DRC1: variants seen among roughly 807,000 people sequenced by gnomAD.
DRC1 encodes the protein dynein regulatory complex subunit 1.
DRC1 carries 74 observed loss-of-function variants against 98.7 expected under a neutral mutation model. The observed-to-expected ratio is 0.75, with a 90% CI of 0.62 to 0.91. DRC1 has a LOEUF of 0.91. Ranked by LOEUF, DRC1 falls within the 40% of genes least tolerant of loss-of-function variation. DRC1 has a pLI of 0.00. For missense variants in DRC1, 875 were observed against 886.0 expected, an observed-to-expected ratio of 0.99 and a Z score of 0.16; for synonymous variants, 336 against 334.1, an observed-to-expected ratio of 1.01 and a Z score of -0.06.
At chr2:26,421,835 C>T (rs1572361674) in intron 3 of DRC1, among the ~76,000 whole-genome samples, 1 of 152,186 alleles carries the variant, frequency 6.6e-6, no homozygotes, top group Non-Finnish European at 1.5e-5. Flanking sequence ...GTTGGAATTA[C>T]AGGCGTGAGC....
intron 2 of DRC1, among the ~76,000 whole-genome samples, chr2:26,418,583 A>T (rs1421503219): frequency 1.0e-4 from 10 of 98,746 alleles, no homozygotes; most frequent in South Asian, 7.8e-4. Flanking sequence ...ATTATATATA[A>T]ATTATATATA....
chr2:26,447,281 C>T (rs543186055), intron 10 of DRC1, among the ~76,000 whole-genome samples: 31 of 151,306 alleles, frequency 2.0e-4, no homozygotes, highest in East Asian at 6.0e-4. Flanking sequence ...GGCATGGTGG[C>T]GCGCGGCTGT....
chr2:26,453,365 G>A lies in DRC1; in HGVS notation c.1735G>A (p.Glu579Lys), dbSNP rs1664056232. 3 of 1,614,104 alleles carry A rather than the reference G, an allele frequency of 1.9e-6. No individual in the cohort carries two copies. The highest frequency in any genetic ancestry group is 2.7e-5 in the African/African-American group (2 of 74,948). The change falls in exon 14 of 17, where the codon GAG becomes AAG. Residue 579 changes from glutamate (E) to lysine (K), a missense_variant. Physicochemically the swap from Glu to Lys is moderately conservative, Grantham distance 56 (BLOSUM62 1). Transcript: ENST00000288710. ...GAGCATGGAGAAGGCGAGCATGGAGGAGACAAGCACGAGGTCAGAATTGGA... is the reference window on the plus strand; with the variant it reads ...GAGCATGGAGAAGGCGAGCATGGAGAAGACAAGCACGAGGTCAGAATTGGA... ...QASMEKASMEETSTRSELELA... is the reference protein window; with the variant it reads ...QASMEKASMEKTSTRSELELA...
At chr2:26,412,368 C>CA (rs1165156306) in intron 1 of DRC1, among the ~76,000 whole-genome samples, 4 of 152,046 alleles carry the variant, frequency 2.6e-5, no homozygotes. Context: ...AACTCCGTCT[C>CA]AAAAAACGAA....
intron 10 of DRC1, 188 bp from the exon 11 acceptor site, chr2:26,448,503 C>A: frequency 2.8e-6 from 2 of 714,554 alleles, no homozygotes; most frequent in South Asian, 1.5e-5. Flanking sequence ...CTGATTCCGA[C>A]CCCCTAGCCC....
intron 13 of DRC1, among the ~76,000 whole-genome samples, chr2:26,452,281 A>G (rs188585024): frequency 6.6e-6 from 1 of 152,208 alleles, no homozygotes; most frequent in East Asian, 1.9e-4. Flanking sequence ...TTTGAGACAG[A>G]GTCTCACTCT....
chr2:26,428,245 G>T (rs1663335391), intron 4 of DRC1, among the ~76,000 whole-genome samples: 1 of 152,188 alleles, frequency 6.6e-6, no homozygotes. Context: ...CTATCTAATA[G>T]AAATACAGTC....
At chr2:26,429,522 A>G (rs537347764) in intron 4 of DRC1, 106 bp from the exon 5 acceptor site, 117 of 1,438,168 alleles carry the variant, frequency 8.1e-5, no homozygotes, top group Middle Eastern at 7.2e-4. Context: ...GTACAGTTTC[A>G]TGTCCTAACA....
In DRC1 at chr2:26,418,674, A is replaced by T. The variant is rs191838110; in HGVS notation, c.244-2614A>T. ...TATAAATTATATATTATATAAATTA[A>T]ATATAATTTATATTATATATAAATT... On this transcript the variant is annotated intron_variant, in intron 2 of 16. Transcript: ENST00000288710. 8.0e-3 allele frequency among the ~76,000 whole-genome samples: 706 copies of T among 87,784 alleles called. 30 individuals carry two copies. The East Asian group carries it at 0.1, about 13-fold the overall frequency. 57.6% of individuals were successfully genotyped at this position (87,784 alleles called of 152,430 possible).
At position 26,429,750 on chromosome 2, in the gene DRC1, G is replaced by C; in HGVS notation, c.663G>C (p.Glu221Asp). The C allele has an allele frequency of 6.2e-7, 1 of 1,614,088 alleles. No homozygotes were observed. Among genetic ancestry groups the C allele is most frequent in the Non-Finnish European group, 8.5e-7 (1 of 1,179,988 alleles). The change falls in exon 5 of 17, where the codon GAG (glutamate) becomes GAC (aspartate). Residue 221 changes from glutamate (E) to aspartate (D), a missense_variant. Physicochemically the swap from Glu to Asp is conservative, Grantham distance 45 (BLOSUM62 2). Coordinates refer to ENST00000288710, the MANE Select transcript of DRC1 (RefSeq NM_145038.5). ...VKNVMKTFRE[E>D]LYNIEKAFEV... ...ATGTGATGAAAACCTTTCGTGAGGAGCTCTATAACATTGAGGTAACAGGGT... is the reference window on the plus strand; with the variant it reads ...ATGTGATGAAAACCTTTCGTGAGGACCTCTATAACATTGAGGTAACAGGGT...
intron 4 of DRC1, among the ~76,000 whole-genome samples, chr2:26,427,183 C>A (rs1276528958): frequency 6.6e-6 from 1 of 152,108 alleles, no homozygotes; most frequent in Non-Finnish European, 1.5e-5. Flanking sequence ...GTAGACTGAT[C>A]TTGGCTCACT....
At chr2:26,432,105 G>C in intron 7 of DRC1, 99 bp downstream of exon 7, 1 of 1,480,988 alleles carries the variant, frequency 6.8e-7, no homozygotes, top group East Asian at 2.5e-5. Flanking sequence ...ATATTCTAGA[G>C]GTAGTCCCTT....
intron 4 of DRC1, 71 bp from the exon 5 acceptor site, chr2:26,429,557 C>A: frequency 6.4e-7 from 1 of 1,574,760 alleles, no homozygotes; most frequent in South Asian, 1.2e-5. Context: ...TGAGAGGAGT[C>A]TAGAGAGAGT....
At chr2:26,438,087 CAAAAAAAA>C (rs61571007) in intron 7 of DRC1, among the ~76,000 whole-genome samples, 3 of 50,096 alleles carry the variant, frequency 6.0e-5, no homozygotes, top group Non-Finnish European at 9.7e-5. Flanking sequence ...GACTCTATCT[CAAAAAAAA>C]AAAAAAAAAA....
rs762632039 is a variant in DRC1 at position 26,430,782 on chromosome 2, G to T, written c.679-4G>T. Reference sequence around the variant, plus strand: ...GCAAGAGTGTTTTTCCTTCTTGGTCGTAGAAAGCATTTGAGGTGGAACGCC... The same window carrying T: ...GCAAGAGTGTTTTTCCTTCTTGGTCTTAGAAAGCATTTGAGGTGGAACGCC... On this transcript the variant is annotated splice_polypyrimidine_tract_variant and splice_region_variant and intron_variant, in intron 5 of 16. Coordinates refer to ENST00000288710, the MANE Select transcript of DRC1 (RefSeq NM_145038.5). 6.8e-6 allele frequency: 11 copies of T among 1,613,762 alleles called. No individual in the cohort carries two copies. The highest frequency in any genetic ancestry group is 3.3e-4 in the Middle Eastern group (2 of 6,062).
At chr2:26,412,790 G>C (rs1678658034) in intron 1 of DRC1, among the ~76,000 whole-genome samples, 1 of 151,940 alleles carries the variant, frequency 6.6e-6, no homozygotes, top group East Asian at 1.9e-4. Context: ...TTTTGTTTTT[G>C]TTTTTCAGAC....
At chr2:26,434,511 A>G (rs1231427362) in intron 7 of DRC1, among the ~76,000 whole-genome samples, 1 of 152,210 alleles carries the variant, frequency 6.6e-6, no homozygotes, top group Non-Finnish European at 1.5e-5. Flanking sequence ...TATGTTGTTT[A>G]TTTACACTAT....
intron 7 of DRC1, among the ~76,000 whole-genome samples, chr2:26,433,139 G>C (rs1663482165): frequency 6.6e-6 from 1 of 152,190 alleles, no homozygotes; most frequent in African/African-American, 2.4e-5. Context: ...AGTAGTAGGA[G>C]GTTATTTCTG....
At chr2:26,432,038 G>A in intron 7 of DRC1, 32 bp downstream of exon 7, 1 of 1,607,530 alleles carries the variant, frequency 6.2e-7, no homozygotes. Flanking sequence ...AGGGTGCCTG[G>A]GTGGCGGAGC....
Sources: allele counts gnomAD v4.1 joint callset (sites outside exome capture counted in the v4.1 genomes callset), GRCh38; gene constraint gnomAD v4.1.1; transcripts MANE v1.5; gene names NCBI Gene and HGNC (gene_info 2026-07-23, HGNC 2026-07-21).